Variants in GATAD2B observed in about 807,000 individuals in gnomAD.
The protein encoded by GATAD2B is GATA zinc finger domain containing 2B, also known as transcriptional repressor p66-beta.
A neutral mutation model predicts 64.3 loss-of-function variants in GATAD2B; 8 were observed. The ratio of observed to expected loss-of-function variants is 0.12; its 90% CI spans 0.07 to 0.22. The LOEUF is 0.22. GATAD2B is among the 10% of genes least tolerant of loss of function. The pLI, the probability that GATAD2B is intolerant of heterozygous loss-of-function variation, is 1.00. For synonymous variants in GATAD2B, 281 were observed against 271.3 expected, an observed-to-expected ratio of 1.04 and a Z score of -0.35; for missense variants, 453 against 752.0, an observed-to-expected ratio of 0.60 and a Z score of 4.65.
chr1:153,881,429 G>A (rs992332381), intron 1 of GATAD2B, among the ~76,000 whole-genome samples: 2 of 152,210 alleles, frequency 1.3e-5, no homozygotes, highest in African/African-American at 4.8e-5. Context: ...ATAGCAAATG[G>A]ATGAAGCAGA....
intron 1 of GATAD2B, among the ~76,000 whole-genome samples, chr1:153,829,270 C>T (rs1451613115): frequency 6.6e-6 from 1 of 152,094 alleles, no homozygotes; most frequent in Non-Finnish European, 1.5e-5. Context: ...ACTTTCAAAT[C>T]CAGGTTTGTT....
At chr1:153,840,344 T>TA (rs1557796509) in intron 1 of GATAD2B, among the ~76,000 whole-genome samples, 1 of 115,016 alleles carries the variant, frequency 8.7e-6, no homozygotes. Flanking sequence ...TGAAAATACT[T>TA]ATTTTTTTTT....
At chr1:153,812,874 ACT>A (rs995337296) in intron 8 of GATAD2B, among the ~76,000 whole-genome samples, 5 of 152,004 alleles carry the variant, frequency 3.3e-5, no homozygotes, top group African/African-American at 9.7e-5. Flanking sequence ...TTCATAATTC[ACT>A]CTTTCTTTCG....
chr1:153,849,940 T>C (rs116566841), intron 1 of GATAD2B, among the ~76,000 whole-genome samples: 1,554 of 152,240 alleles, frequency 0.01, 27 homozygotes, highest in African/African-American at 0.035. Context: ...CTGTATTTAA[T>C]CCTTTTAAAT....
intron 1 of GATAD2B, among the ~76,000 whole-genome samples, chr1:153,921,168 C>T (rs1678418670): frequency 6.6e-6 from 1 of 152,180 alleles, no homozygotes; most frequent in African/African-American, 2.4e-5. Flanking sequence ...GAGTTCAGGT[C>T]AGCATACCAA....
chr1:153,901,549 G>T (rs553631118), intron 1 of GATAD2B, among the ~76,000 whole-genome samples: 1 of 152,050 alleles, frequency 6.6e-6, no homozygotes, highest in African/African-American at 2.4e-5. Flanking sequence ...GTCCAACTGC[G>T]CCCGATGGCT....
At chr1:153,836,061 T>G (rs574900921) in intron 1 of GATAD2B, among the ~76,000 whole-genome samples, 1 of 151,786 alleles carries the variant, frequency 6.6e-6, no homozygotes, top group South Asian at 2.1e-4. Context: ...ACCAAAAAAT[T>G]TGTGTGACTT....
intron 1 of GATAD2B, among the ~76,000 whole-genome samples, chr1:153,831,980 C>A (rs1214779737): frequency 6.6e-6 from 1 of 152,190 alleles, no homozygotes; most frequent in Non-Finnish European, 1.5e-5. Context: ...TTTGGGAAGC[C>A]AAGGCGGGCT....
chr1:153,903,695 C>A (rs930139710), intron 1 of GATAD2B, among the ~76,000 whole-genome samples: 36 of 152,136 alleles, frequency 2.4e-4, no homozygotes, highest in African/African-American at 8.7e-4. Flanking sequence ...CAATAAAGTT[C>A]TAACATTGGC....
chr1:153,831,626 AC>A (rs1401316419), intron 1 of GATAD2B, among the ~76,000 whole-genome samples: 1 of 152,222 alleles, frequency 6.6e-6, no homozygotes. Flanking sequence ...ATTATAATCA[AC>A]TTTAGAACAT....
intron 1 of GATAD2B, among the ~76,000 whole-genome samples, chr1:153,857,589 T>C (rs1338384332): frequency 6.6e-6 from 1 of 152,164 alleles, no homozygotes; most frequent in Non-Finnish European, 1.5e-5. Flanking sequence ...TTAGTCACTA[T>C]ATTCACTATA....
chr1:153,867,876 AAG>A (rs897039662), intron 1 of GATAD2B, among the ~76,000 whole-genome samples: 5 of 152,002 alleles, frequency 3.3e-5, no homozygotes, highest in African/African-American at 1.2e-4. Context: ...CAACAAAAAA[AAG>A]AGTCACCATA....
chr1:153,888,546 G>A (rs1243905479), intron 1 of GATAD2B, among the ~76,000 whole-genome samples: 5 of 152,156 alleles, frequency 3.3e-5, no homozygotes, highest in Non-Finnish European at 5.9e-5. Context: ...TTTGCAGGGG[G>A]ACCAAGTTCT....
chr1:153,871,202 G>C (rs1312067331), intron 1 of GATAD2B, among the ~76,000 whole-genome samples: 2 of 152,172 alleles, frequency 1.3e-5, no homozygotes, highest in Non-Finnish European at 2.9e-5. Flanking sequence ...AAGTAGCTGG[G>C]ACTACAGGTG....
intron 1 of GATAD2B, among the ~76,000 whole-genome samples, chr1:153,856,255 C>A (rs1676078835): frequency 6.6e-6 from 1 of 152,116 alleles, no homozygotes. Context: ...TTCTCTGTTG[C>A]CATGAAACGG....
intron 2 of GATAD2B, among the ~76,000 whole-genome samples, chr1:153,822,601 T>C (rs937492387): frequency 6.6e-6 from 1 of 152,034 alleles, no homozygotes; most frequent in Admixed American, 6.6e-5. Flanking sequence ...CAACCTCCTC[T>C]CAGGTTTAAG....
intron 8 of GATAD2B, 76 bp from the exon 9 acceptor site, chr1:153,812,208 T>TTA: frequency 1.6e-6 from 1 of 641,600 alleles, no homozygotes; most frequent in Non-Finnish European, 2.6e-6. Context: ...TTTTTTTTTT[T>TTA]AAACAGAGAC....
intron 1 of GATAD2B, among the ~76,000 whole-genome samples, chr1:153,844,704 T>C (rs1402227542): frequency 1.5e-4 from 20 of 134,856 alleles, no homozygotes; most frequent in Admixed American, 5.2e-4. Flanking sequence ...TAGGTGGGAA[T>C]TGAACAATGA....
At chr1:153,859,902 C>CTT (rs1174045829) in intron 1 of GATAD2B, among the ~76,000 whole-genome samples, 1 of 78,754 alleles carries the variant, frequency 1.3e-5, no homozygotes, top group African/African-American at 4.7e-5. Flanking sequence ...ATTTTCTTTT[C>CTT]TTTTCTTTTT....
Sources: allele counts gnomAD v4.1 joint callset (sites outside exome capture counted in the v4.1 genomes callset), GRCh38; gene constraint gnomAD v4.1.1; transcripts MANE v1.5; gene names NCBI Gene and HGNC (gene_info 2026-07-23, HGNC 2026-07-21).